SRSF7: variants seen among roughly 807,000 people sequenced by gnomAD.
SRSF7 encodes the protein serine and arginine rich splicing factor 7.
A neutral mutation model predicts 42.2 loss-of-function variants in SRSF7; 15 were observed. That is an observed-to-expected ratio of 0.36 (90% CI 0.24 to 0.55). The LOEUF (loss-of-function observed/expected upper bound fraction) is 0.55. Ranked by LOEUF, SRSF7 falls within the 20% of genes least tolerant of loss-of-function variation. The probability of loss-of-function intolerance (pLI) is 0.88; values close to 1 mark genes in which losing one functional copy is unlikely to be tolerated. For missense variants in SRSF7, 181 were observed against 305.9 expected, an observed-to-expected ratio of 0.59 and a Z score of 3.04; for synonymous variants, 138 against 107.9, an observed-to-expected ratio of 1.28 and a Z score of -1.73.
At chr2:38,750,359 T>C (rs1171809647) in intron 1 of SRSF7, among the ~76,000 whole-genome samples, 165 bp from the exon 2 acceptor site, 2 of 151,750 alleles carry the variant, frequency 1.3e-5, no homozygotes, top group African/African-American at 4.8e-5. Context: ...AGTCCGCAAA[T>C]CCCTGAGAAA....
At chr2:38,749,125 T>G in intron 3 of SRSF7, 1 of 1,316,600 alleles carries the variant, frequency 7.6e-7, no homozygotes, top group Non-Finnish European at 1.0e-6. Context: ...GGGCCCCAAT[T>G]GTAAGCCAAA....
At chr2:38,751,101 T>A (rs1668280798) in intron 1 of SRSF7, 128 bp downstream of exon 1, 3 of 1,271,528 alleles carry the variant, frequency 2.4e-6, no homozygotes, top group South Asian at 2.4e-5. Context: ...TCCGGCTTCG[T>A]CTGGCGTGCT....
chr2:38,750,524 C>A (rs1054889957), intron 1 of SRSF7, among the ~76,000 whole-genome samples: 4 of 151,530 alleles, frequency 2.6e-5, no homozygotes, highest in African/African-American at 9.7e-5. Flanking sequence ...ACCGGGAGCG[C>A]GCGGGCCCGC....
chr2:38,749,867 C>A, intron 2 of SRSF7, 147 bp downstream of exon 2: 1 of 1,236,942 alleles, frequency 8.1e-7, no homozygotes, highest in Admixed American at 2.9e-5. Context: ...CCGCTATCTT[C>A]TTTAACCTTC....
chr2:38,751,175 C>T (rs554103321), intron 1 of SRSF7, 54 bp downstream of exon 1: 5 of 1,610,624 alleles, frequency 3.1e-6, no homozygotes, highest in South Asian at 1.1e-5. Flanking sequence ...CCTACGGCCT[C>T]GCAGTGCTCA....
At chr2:38,750,414 G>C (rs1668117969) in intron 1 of SRSF7, among the ~76,000 whole-genome samples, 1 of 151,920 alleles carries the variant, frequency 6.6e-6, no homozygotes, top group Admixed American at 6.6e-5. Context: ...AATGCGGGGT[G>C]ACCCTCCCGA....
At chr2:38,749,734 A>T in intron 2 of SRSF7, 29 bp from the exon 3 acceptor site, 1 of 1,512,552 alleles carries the variant, frequency 6.6e-7, no homozygotes, top group Non-Finnish European at 8.8e-7. Flanking sequence ...CAAAATTCTA[A>T]AGTTAAAAAT....
At chr2:38,746,408 A>C (rs1667420445) in intron 6 of SRSF7, among the ~76,000 whole-genome samples, 1 of 152,260 alleles carries the variant, frequency 6.6e-6, no homozygotes, top group Non-Finnish European at 1.5e-5. Flanking sequence ...TTCTGCTTTA[A>C]GCACATCGAT....
chr2:38,746,954 A>G, intron 5 of SRSF7: 2 of 796,656 alleles, frequency 2.5e-6, no homozygotes, highest in South Asian at 1.7e-5. Flanking sequence ...TCTATCACTC[A>G]ATTGGTTAGT....
chr2:38,750,002 CATCTT>C lies in SRSF7; in HGVS notation c.209+7_209+11del. The C allele has an allele frequency of 6.3e-7, 1 of 1,598,074 alleles. No individual in the cohort carries two copies. The highest frequency in any genetic ancestry group is 8.5e-7 in the Non-Finnish European group (1 of 1,173,688). On this transcript the variant is annotated splice_region_variant and intron_variant, in intron 2 of 7. Coordinates refer to ENST00000313117, the MANE Select transcript of SRSF7 (RefSeq NM_001031684.3). ...ATTTTAATGAACAGAAGATTCATAA[CATCTT>C]ACTTACTTTCCATCCAGTCCTCGTA...
Position 38,744,983 on chromosome 2 carries a change from A to G in SRSF7, c.*150T>C. On this transcript the variant is annotated 3_prime_UTR_variant, in exon 8 of 8. Coordinates refer to ENST00000313117, the MANE Select transcript of SRSF7 (RefSeq NM_001031684.3). The stretch of plus-strand genomic sequence containing the variant: ...TAATACATTCAACAAAATTTATATT[A>G]TCTTACTGCTGTGAATTTACATAGT... 1 of 724,786 alleles carries G rather than the reference A, an allele frequency of 1.4e-6. No homozygotes were observed. Among genetic ancestry groups the G allele is most frequent in the Non-Finnish European group, 2.2e-6 (1 of 455,766 alleles). 44.9% of individuals were successfully genotyped at this position (724,786 alleles called of 1,614,324 possible). A position where few individuals can be genotyped will look rare whatever the true frequency, so the allele number is the denominator to read the frequency against.
In SRSF7 at chr2:38,744,350, A is replaced by T; in HGVS notation, c.*783T>A. Reference sequence around the variant, plus strand: ...ATTTCAGACAATTCCTCAAACATGCATTTTTTGGTATAAAACTGGTTAACT... The same window carrying T: ...ATTTCAGACAATTCCTCAAACATGCTTTTTTTGGTATAAAACTGGTTAACT... On this transcript the variant is annotated 3_prime_UTR_variant, in exon 8 of 8. Transcript: ENST00000313117. The T allele has an allele frequency of 6.6e-6, 1 of 152,592 alleles. No homozygotes were observed. The highest frequency in any genetic ancestry group is 2.4e-5 in the African/African-American group (1 of 41,428). 9.5% of individuals were successfully genotyped at this position (152,592 alleles called of 1,614,324 possible). A position where few individuals can be genotyped will look rare whatever the true frequency, so the allele number is the denominator to read the frequency against.
Position 38,746,708 on chromosome 2 carries a change from TGAAATAG to T in SRSF7, c.605_611del (p.Ser202TyrfsTer43). 1 of 1,613,734 alleles carries T rather than the reference TGAAATAG, an allele frequency of 6.2e-7. No individual in the cohort carries two copies. The highest frequency in any genetic ancestry group is 8.5e-7 in the Non-Finnish European group (1 of 1,179,894). On this transcript the variant is annotated frameshift_variant, in exon 6 of 8. Transcript: ENST00000313117. LOFTEE classifies it high-confidence loss of function. Reference sequence around the variant, plus strand: ...TTTTACCCTACCTGCTTCTTGGTCGTGAAATAGACCTGGATCTTGATCTTGACCTCGA... The same window carrying T: ...TTTTACCCTACCTGCTTCTTGGTCGTACCTGGATCTTGATCTTGACCTCGA...
At chr2:38,749,908 G>C in intron 2 of SRSF7, 106 bp downstream of exon 2, 1 of 1,330,196 alleles carries the variant, frequency 7.5e-7, no homozygotes. Flanking sequence ...ACTATGACCA[G>C]CTATTTAAGG....
chr2:38,748,059 G>A lies in SRSF7; in HGVS notation c.560C>T (p.Ser187Leu). 8 of 1,612,518 alleles carry A rather than the reference G, an allele frequency of 5.0e-6. No homozygotes were observed. The highest frequency in any genetic ancestry group is 2.2e-5 in the East Asian group (1 of 44,856). The change falls in exon 5 of 8, where the codon TCG (serine) becomes TTG (leucine). Residue 187 changes from serine to leucine, a missense_variant. Physicochemically the swap from Ser to Leu is moderately radical, Grantham distance 145. Transcript: ENST00000313117. ...RRSRSGSIKG[S>L]RYFQSPSRSR... is the part of the protein sequence containing the mutation. ...AAGTGTTACATACTGGAAATACCTC[G>A]ATCCTTTTATAGAACCAGACCTAGA...
chr2:38,748,930 C>A, intron 3 of SRSF7: 1 of 1,339,122 alleles, frequency 7.5e-7, no homozygotes. Flanking sequence ...CTCTTTGGCC[C>A]ATGGTCTAGT....
At chr2:38,748,185 C>T in intron 4 of SRSF7, 28 bp from the exon 5 acceptor site, 1 of 1,556,352 alleles carries the variant, frequency 6.4e-7, no homozygotes, top group Non-Finnish European at 8.8e-7. Context: ...AAGTCCATCT[C>T]CACAGTTTTT....
chr2:38,749,946 T>A, intron 2 of SRSF7, 68 bp downstream of exon 2: 1 of 1,495,636 alleles, frequency 6.7e-7, no homozygotes. Context: ...AATCCAAATT[T>A]AGCACTAAGT....
chr2:38,746,716 A>G lies in SRSF7; in HGVS notation c.604T>C (p.Ser202Pro). Residue 202 changes from serine to proline, a missense_variant, in exon 6 of 8, where the codon TCT (serine) becomes CCT (proline). Coordinates refer to ENST00000313117, the MANE Select transcript of SRSF7 (RefSeq NM_001031684.3). ...TACCTGCTTCTTGGTCGTGAAATAG[A>G]CCTGGATCTTGATCTTGACCTCGAC... is the stretch of plus-strand genomic sequence containing the variant. ...SPSRSRSRSR[S>P]ISRPRSSRSK... The G allele has an allele frequency of 2.5e-6, 4 of 1,613,862 alleles. No homozygotes were observed. Among genetic ancestry groups the G allele is most frequent in the Non-Finnish European group, 3.4e-6 (4 of 1,179,918 alleles).
Sources: gnomAD v4.1 joint callset for allele counts (sites outside exome capture counted in the v4.1 genomes callset) on GRCh38, gnomAD v4.1.1 for gene constraint, MANE v1.5 for transcripts, NCBI Gene and HGNC (gene_info 2026-07-23, HGNC 2026-07-21) for gene names.